Variants in FHOD3 observed in about 807,000 individuals in gnomAD.
FHOD3 encodes FH1/FH2 domain-containing protein 3.
FHOD3 carries 90 observed loss-of-function variants against 173.0 expected under a neutral mutation model. The observed-to-expected ratio is 0.52, with a 90% CI of 0.44 to 0.62. The LOEUF (loss-of-function observed/expected upper bound fraction) is 0.62. FHOD3 is among the 20% of genes least tolerant of loss of function. FHOD3 has a pLI of 0.00. For synonymous variants in FHOD3, 828 were observed against 823.0 expected, an observed-to-expected ratio of 1.01 and a Z score of -0.10; for missense variants, 1,945 against 2,034.7, an observed-to-expected ratio of 0.96 and a Z score of 0.85.
chr18:36,452,889 T>TA (rs1459396425), intron 3 of FHOD3, among the ~76,000 whole-genome samples: 1 of 152,172 alleles, frequency 6.6e-6, no homozygotes, highest in Non-Finnish European at 1.5e-5. Context: ...TGTGTATATA[T>TA]ATGCATGCCA....
intron 5 of FHOD3, among the ~76,000 whole-genome samples, chr18:36,564,329 G>A (rs192632863): frequency 7.0e-4 from 107 of 152,300 alleles, no homozygotes; most frequent in Non-Finnish European, 1.2e-3. Flanking sequence ...AAAATTTTTA[G>A]AGGTTCAAAA....
chr18:36,769,181 C>T, intron 27 of FHOD3, 84 bp from the exon 28 acceptor site: 1 of 1,499,104 alleles, frequency 6.7e-7, no homozygotes, highest in Non-Finnish European at 9.1e-7. Flanking sequence ...TGAAAGAACT[C>T]AACTGCTTGG....
intron 8 of FHOD3, among the ~76,000 whole-genome samples, chr18:36,608,620 A>G (rs1459354902): frequency 6.6e-6 from 1 of 152,196 alleles, no homozygotes; most frequent in African/African-American, 2.4e-5. Flanking sequence ...TAAGAATAGC[A>G]TAGTATTCCC....
At chr18:36,569,867 GTACTAAATGAAAA>G (rs2058393872) in intron 5 of FHOD3, among the ~76,000 whole-genome samples, 1 of 152,048 alleles carries the variant, frequency 6.6e-6, no homozygotes. Flanking sequence ...CAAACGTTTT[GTACTAAATGAAAA>G]TACAACACAT....
At chr18:36,706,158 T>G (rs1156419462) in intron 17 of FHOD3, among the ~76,000 whole-genome samples, 1 of 152,154 alleles carries the variant, frequency 6.6e-6, no homozygotes, top group Admixed American at 6.5e-5. Context: ...GCTGGGGCCC[T>G]CCAGCAGGAG....
intron 14 of FHOD3, among the ~76,000 whole-genome samples, chr18:36,665,595 G>A (rs1413833863): frequency 6.6e-6 from 1 of 151,272 alleles, no homozygotes; most frequent in Non-Finnish European, 1.5e-5. Flanking sequence ...GGGGCAGGGA[G>A]GTTAAGAGGG....
At chr18:36,358,418 G>A (rs1004957424) in intron 2 of FHOD3, among the ~76,000 whole-genome samples, 3 of 152,120 alleles carry the variant, frequency 2.0e-5, no homozygotes, top group Admixed American at 1.3e-4. Context: ...AAAGAGCCAG[G>A]GCATCCTGCT....
At chr18:36,391,140 T>A (rs2048283213) in intron 3 of FHOD3, among the ~76,000 whole-genome samples, 1 of 152,234 alleles carries the variant, frequency 6.6e-6, no homozygotes, top group South Asian at 2.1e-4. Context: ...AGGTTTCATC[T>A]AATGCTGCCA....
rs146439701 is a variant in FHOD3, at chr18:36,379,028, C to T, written c.337+6284C>T. On this transcript the variant is annotated intron_variant, in intron 3 of 28. Coordinates refer to ENST00000590592, the MANE Select transcript of FHOD3 (RefSeq NM_001281740.3). ...CTGGGAACCATTCAGTTCTGTCACACGTCTTTCCACACGTTATATTCATAT... is the reference window on the plus strand; with the variant it reads ...CTGGGAACCATTCAGTTCTGTCACATGTCTTTCCACACGTTATATTCATAT... Among the ~76,000 whole-genome samples, 829 of 152,304 alleles carry T rather than the reference C, an allele frequency of 5.4e-3. 3 individuals are homozygous for T. Among genetic ancestry groups the T allele is most frequent in the African/African-American group, 0.018 (761 of 41,558 alleles).
chr18:36,661,237 T>G (rs2036777569), intron 14 of FHOD3, among the ~76,000 whole-genome samples: 1 of 152,190 alleles, frequency 6.6e-6, no homozygotes, highest in East Asian at 1.9e-4. Flanking sequence ...ATAGTTTGAA[T>G]TTTTTCTTTG....
chr18:36,703,607 C>T (rs904400484), intron 17 of FHOD3, among the ~76,000 whole-genome samples: 9 of 152,116 alleles, frequency 5.9e-5, no homozygotes, highest in Non-Finnish European at 1.0e-4. Context: ...ATTTTTACTG[C>T]ACTTAGGCAA....
intron 5 of FHOD3, among the ~76,000 whole-genome samples, chr18:36,539,853 A>C (rs1247041000): frequency 2.6e-5 from 4 of 152,198 alleles, no homozygotes; most frequent in African/African-American, 9.6e-5. Context: ...AGAACAGGCA[A>C]GTCCTGGAAG....
Position 36,755,269 on chromosome 18 carries a change from C to T in FHOD3, c.4383C>T (p.Asn1461=). The T allele has an allele frequency of 1.2e-6, 2 of 1,610,628 alleles. No homozygotes were observed. Among genetic ancestry groups the T allele is most frequent in the Non-Finnish European group, 1.7e-6 (2 of 1,178,230 alleles). Residue 1461 remains asparagine, a synonymous_variant, in exon 25 of 29, where the codon AAC becomes AAT. Transcript: ENST00000590592. The part of the protein sequence containing the change: ...RVLQQKQKRA[N]HRERNKTRGK... ...TGCAGCAGAAACAGAAACGGGCCAA[C>T]CACAGAGAGAGAAATAAGACCAGAG... is the stretch of plus-strand genomic sequence containing the variant.
chr18:36,559,918 A>C (rs765792828), intron 5 of FHOD3, among the ~76,000 whole-genome samples: 1 of 151,800 alleles, frequency 6.6e-6, no homozygotes, highest in African/African-American at 2.4e-5. Context: ...CTTGACCCTT[A>C]CCTTTCTCTG....
At chr18:36,309,912 G>A (rs1202771691) in intron 1 of FHOD3, among the ~76,000 whole-genome samples, 3 of 152,234 alleles carry the variant, frequency 2.0e-5, no homozygotes, top group Non-Finnish European at 2.9e-5. Flanking sequence ...GACCCTGAAA[G>A]AGGGCAAGTG....
intron 1 of FHOD3, among the ~76,000 whole-genome samples, chr18:36,312,675 C>A (rs1029346991): frequency 6.6e-6 from 1 of 152,170 alleles, no homozygotes; most frequent in Non-Finnish European, 1.5e-5. Flanking sequence ...CATGTGTCAT[C>A]CATGGCATAT....
At chr18:36,650,817 A>C (rs936714832) in intron 11 of FHOD3, among the ~76,000 whole-genome samples, 3 of 152,202 alleles carry the variant, frequency 2.0e-5, no homozygotes, top group African/African-American at 4.8e-5. Context: ...ATCCCTGTTA[A>C]TGGTGTGCTG....
At chr18:36,391,040 T>A (rs1051168323) in intron 3 of FHOD3, among the ~76,000 whole-genome samples, 2 of 152,236 alleles carry the variant, frequency 1.3e-5, no homozygotes, top group African/African-American at 4.8e-5. Context: ...TAATTAGGAT[T>A]GAAGGGGCAG....
intron 3 of FHOD3, among the ~76,000 whole-genome samples, chr18:36,498,378 T>C (rs535789806): frequency 4.6e-5 from 7 of 152,258 alleles, no homozygotes; most frequent in South Asian, 2.1e-4. Flanking sequence ...AAACCTCTAA[T>C]GAAATCAATA....
Sources: allele counts gnomAD v4.1 joint callset (sites outside exome capture counted in the v4.1 genomes callset), GRCh38; gene constraint gnomAD v4.1.1; transcripts MANE v1.5; gene names NCBI Gene and HGNC (gene_info 2026-07-23, HGNC 2026-07-21).